The following AZGP1 variants were observed in gnomAD, a reference collection of about 807,000 sequenced individuals.
AZGP1 encodes the protein zinc-alpha-2-glycoprotein.
In AZGP1, 28 loss-of-function variants were observed where a neutral mutation model predicts 31.5. The observed-to-expected ratio is 0.89, with a 90% CI of 0.66 to 1.22. The LOEUF (loss-of-function observed/expected upper bound fraction) is 1.22, where lower values mean the gene tolerates loss of function less well. Ranked by LOEUF, AZGP1 falls within the 50% of genes most tolerant of loss-of-function variation. AZGP1 has a pLI of 0.00. For missense variants in AZGP1, 361 were observed against 371.8 expected, an observed-to-expected ratio of 0.97 and a Z score of 0.24; for synonymous variants, 135 against 145.4, an observed-to-expected ratio of 0.93 and a Z score of 0.51.
rs1264800973 is a variant in AZGP1 at position 99,969,422 on chromosome 7, A to AT, written c.338-993_338-992insA. ...AGACTCAGTCTTAAAAAAAAAAAAA[A>AT]AATTAACCAGGAGTAGTGACACATG... is the stretch of plus-strand genomic sequence containing the variant. On this transcript the variant is annotated intron_variant, in intron 2 of 3. Coordinates refer to ENST00000292401, the MANE Select transcript of AZGP1 (RefSeq NM_001185.4). Among the ~76,000 whole-genome samples, 9 of 151,158 alleles carry AT rather than the reference A, an allele frequency of 6.0e-5. No homozygotes were observed. In the East Asian group the frequency reaches 1.7e-3, roughly 29 times the overall value.
intron 3 of AZGP1, 83 bp from the exon 4 acceptor site, chr7:99,967,369 G>A (rs922423562): frequency 2.7e-6 from 4 of 1,460,600 alleles, no homozygotes; most frequent in Admixed American, 2.0e-5. Context: ...ACCCCTGGAT[G>A]TCAGCGATCA....
chr7:99,973,318 A>G (rs77958198), intron 1 of AZGP1, among the ~76,000 whole-genome samples: 2,812 of 152,290 alleles, frequency 0.018, 45 homozygotes, highest in Non-Finnish European at 0.026. Flanking sequence ...GGACATTTCC[A>G]TAATAGTTCC....
At chr7:99,968,072 G>A (rs756599777) in intron 3 of AZGP1, 83 bp downstream of exon 3, 35 of 1,540,030 alleles carry the variant, frequency 2.3e-5, no homozygotes, top group South Asian at 8.9e-5. Flanking sequence ...AGATGAGACC[G>A]GACTAAGATG....
intron 3 of AZGP1, 156 bp from the exon 4 acceptor site, chr7:99,967,442 G>A (rs1789503416): frequency 3.7e-6 from 3 of 816,328 alleles, no homozygotes; most frequent in Middle Eastern, 3.7e-4. Context: ...GAATATCAGG[G>A]AAGGCTGACG....
At chr7:99,975,817 C>T in intron 1 of AZGP1, 128 bp downstream of exon 1, 1 of 1,000,830 alleles carries the variant, frequency 1.0e-6, no homozygotes, top group Non-Finnish European at 1.6e-6. Context: ...AGTTGACAGC[C>T]TTGGGCACCC....
intron 1 of AZGP1, among the ~76,000 whole-genome samples, chr7:99,974,934 A>G (rs1789633738): frequency 6.6e-6 from 1 of 152,188 alleles, no homozygotes; most frequent in Non-Finnish European, 1.5e-5. Flanking sequence ...TTCTGCCTAC[A>G]GTCTGCCCTT....
chr7:99,968,285 G>T lies in AZGP1; in HGVS notation c.483C>A (p.Ala161=). 1.2e-6 allele frequency: 2 copies of T among 1,613,632 alleles called. No individual in the cohort carries two copies. The highest frequency in any genetic ancestry group is 1.7e-6 in the Non-Finnish European group (2 of 1,179,932). ...CCTCCCACTTCTGCTTGGTTATCTGGGCTGCTGGGTCGAAGGGGACCCAGG... is the reference window on the plus strand; with the variant it reads ...CCTCCCACTTCTGCTTGGTTATCTGTGCTGCTGGGTCGAAGGGGACCCAGG... ...IPAWVPFDPA[A]QITKQKWEAE... is the part of the protein sequence containing the mutation. The change falls in exon 3 of 4, where the codon GCC becomes GCA. Residue 161 remains alanine, a synonymous_variant. Coordinates refer to ENST00000292401, the MANE Select transcript of AZGP1 (RefSeq NM_001185.4).
chr7:99,967,729 G>C, intron 3 of AZGP1: 1 of 434,784 alleles, frequency 2.3e-6, no homozygotes, highest in Non-Finnish European at 4.1e-6. Flanking sequence ...TGTCCTTCTG[G>C]GGCTGACATT....
chr7:99,975,771 C>T (rs544903724), intron 1 of AZGP1, among the ~76,000 whole-genome samples, 174 bp downstream of exon 1: 1 of 152,276 alleles, frequency 6.6e-6, no homozygotes, highest in South Asian at 2.1e-4. Flanking sequence ...AGCGCAGAGG[C>T]TCCCTGAATG....
At chr7:99,970,921 G>A (rs781053422) in intron 2 of AZGP1, among the ~76,000 whole-genome samples, 70 of 152,212 alleles carry the variant, frequency 4.6e-4, no homozygotes, top group Non-Finnish European at 8.2e-4. Flanking sequence ...AGGAGAAAGA[G>A]CACTGGGCCG....
intron 3 of AZGP1, chr7:99,967,857 A>G (rs1789510836): frequency 1.7e-6 from 1 of 573,242 alleles, no homozygotes; most frequent in Non-Finnish European, 3.1e-6. Context: ...TCTTACAGAC[A>G]GTGTTACCCT....
intron 2 of AZGP1, among the ~76,000 whole-genome samples, chr7:99,970,622 G>A (rs1234485183): frequency 6.6e-6 from 1 of 151,722 alleles, no homozygotes; most frequent in Non-Finnish European, 1.5e-5. Flanking sequence ...TTCTATTCCT[G>A]TCCATCAATG....
Position 99,971,738 on chromosome 7 carries a change from T to A in AZGP1, c.337+8A>T. 1 of 1,613,044 alleles carries A rather than the reference T, an allele frequency of 6.2e-7. No individual in the cohort carries two copies. Among genetic ancestry groups the A allele is most frequent in the Non-Finnish European group, 8.5e-7 (1 of 1,179,384 alleles). Reference sequence around the variant, plus strand: ...ACCTTCCACCCCTGTGGTCTGTTATTCACTGACCGTTACTGTCGTTGTAAT... The same window carrying A: ...ACCTTCCACCCCTGTGGTCTGTTATACACTGACCGTTACTGTCGTTGTAAT... On this transcript the variant is annotated splice_region_variant and intron_variant, in intron 2 of 3. Coordinates refer to ENST00000292401, the MANE Select transcript of AZGP1 (RefSeq NM_001185.4).
At chr7:99,968,516 C>T in intron 2 of AZGP1, 86 bp from the exon 3 acceptor site, 1 of 1,526,094 alleles carries the variant, frequency 6.6e-7, no homozygotes. Context: ...CATTGGGCAA[C>T]CCAAAAGAAA....
At chr7:99,971,083 T>C (rs988090975) in intron 2 of AZGP1, among the ~76,000 whole-genome samples, 1 of 152,220 alleles carries the variant, frequency 6.6e-6, no homozygotes, top group African/African-American at 2.4e-5. Context: ...CAGCACTTCC[T>C]GAGCCCCCAG....
rs956787424 is a variant in AZGP1 at position 99,966,992 on chromosome 7, A to G, written c.*11T>C. On this transcript the variant is annotated 3_prime_UTR_variant, in exon 4 of 4. Transcript: ENST00000292401. ...GGTCTGAGATCCCACATTGCCTCCA[A>G]CCCTTGCTTCCTAGCTGGCCTCCCA... 31 of 1,611,270 alleles carry G rather than the reference A, an allele frequency of 1.9e-5. No homozygotes were observed. Among genetic ancestry groups the G allele is most frequent in the Admixed American group, 8.4e-5 (5 of 59,846 alleles).
Position 99,968,266 on chromosome 7 carries a change from A to C in AZGP1, c.502T>G (p.Trp168Gly). The C allele has an allele frequency of 6.2e-7, 1 of 1,613,404 alleles. No individual in the cohort carries two copies. The highest frequency in any genetic ancestry group is 8.5e-7 in the Non-Finnish European group (1 of 1,179,872). Residue 168 changes from tryptophan to glycine, a missense_variant, in exon 3 of 4, where the codon TGG becomes GGG. Trp to Gly is a radical substitution (Grantham distance 184, BLOSUM62 -2). Coordinates refer to ENST00000292401, the MANE Select transcript of AZGP1 (RefSeq NM_001185.4). ...DPAAQITKQK[W>G]EAEPVYVQRA... is the part of the protein sequence containing the mutation. Reference sequence around the variant, plus strand: ...TGCACGTAGACTGGTTCTGCCTCCCACTTCTGCTTGGTTATCTGGGCTGCT... The same window carrying C: ...TGCACGTAGACTGGTTCTGCCTCCCCCTTCTGCTTGGTTATCTGGGCTGCT...
chr7:99,967,146 C>T lies in AZGP1; in HGVS notation c.754G>A (p.Gly252Arg), dbSNP rs1368618835. Residue 252 changes from glycine to arginine, a missense_variant, in exon 4 of 4, where the codon GGA becomes AGA. Transcript: ENST00000292401. Reference sequence around the variant, plus strand: ...CCATTTCCATTGTGAAGAACATCTCCCCGTAACTCAGGCTCCTGCACCTCG... The same window carrying T: ...CCATTTCCATTGTGAAGAACATCTCTCCGTAACTCAGGCTCCTGCACCTCG... ...AGEVQEPELR[G>R]DVLHNGNGTY... 2.5e-6 allele frequency: 4 copies of T among 1,614,202 alleles called. No homozygotes were observed. The South Asian group carries it at 4.4e-5, about 18-fold the overall frequency.
rs757681623 is a variant in AZGP1 at position 99,968,236 on chromosome 7, C to T, written c.532G>A (p.Ala178Thr). Residue 178 changes from alanine (A) to threonine (T), a missense_variant, in exon 3 of 4, where the codon GCC becomes ACC. Ala to Thr is a moderately conservative substitution (Grantham distance 58). Coordinates refer to ENST00000292401, the MANE Select transcript of AZGP1 (RefSeq NM_001185.4). The part of the protein sequence containing the change: ...WEAEPVYVQR[A>T]KAYLEEECPA... ...CACTCCTCCTCCAGGTAAGCCTTGG[C>T]CCGCTGCACGTAGACTGGTTCTGCC... The T allele has an allele frequency of 6.2e-7, 1 of 1,613,690 alleles. No homozygotes were observed. The highest frequency in any genetic ancestry group is 8.5e-7 in the Non-Finnish European group (1 of 1,179,992).
Sources: gnomAD v4.1 joint callset for allele counts (sites outside exome capture counted in the v4.1 genomes callset) on GRCh38, gnomAD v4.1.1 for gene constraint, MANE v1.5 for transcripts, NCBI Gene and HGNC (gene_info 2026-07-23, HGNC 2026-07-21) for gene names.